The following TMEM38B variants were observed in gnomAD, a reference collection of about 807,000 sequenced individuals.
The protein encoded by TMEM38B is trimeric intracellular cation channel type B.
In TMEM38B, 24 loss-of-function variants were observed where a neutral mutation model predicts 28.7. The ratio of observed to expected loss-of-function variants is 0.84; its 90% CI spans 0.61 to 1.18. The LOEUF (loss-of-function observed/expected upper bound fraction) is 1.18. Among genes scored for constraint, TMEM38B ranks in the 50% most tolerant of loss-of-function variants. TMEM38B has a pLI of 0.00. For synonymous variants in TMEM38B, 131 were observed against 127.7 expected (o/e 1.03, Z -0.17); for missense variants, 380 against 350.9 (o/e 1.08, Z -0.66).
chr9:105,704,154 G>T (rs1045833959), intron 1 of TMEM38B, among the ~76,000 whole-genome samples: 2 of 152,162 alleles, frequency 1.3e-5, no homozygotes, highest in African/African-American at 2.4e-5. Flanking sequence ...AGTGGGTTCA[G>T]TGCGCCAGCA....
chr9:105,698,981 T>G (rs1372814321), intron 1 of TMEM38B, among the ~76,000 whole-genome samples: 2 of 152,196 alleles, frequency 1.3e-5, no homozygotes, highest in Admixed American at 6.5e-5. Flanking sequence ...TACATTATAT[T>G]GTAGAAAATT....
intron 1 of TMEM38B, among the ~76,000 whole-genome samples, chr9:105,697,427 A>C (rs1338142786): frequency 6.6e-6 from 1 of 152,216 alleles, no homozygotes; most frequent in African/African-American, 2.4e-5. Flanking sequence ...AGTGTGTTAG[A>C]CTGCCCATTT....
intron 2 of TMEM38B, among the ~76,000 whole-genome samples, chr9:105,709,995 G>A (rs1405135050): frequency 1.3e-5 from 2 of 152,106 alleles, no homozygotes; most frequent in Non-Finnish European, 2.9e-5. Context: ...ATCAATATAC[G>A]CTTATTCATA....
At chr9:105,745,357 A>G (rs1464521580) in intron 4 of TMEM38B, among the ~76,000 whole-genome samples, 2 of 152,126 alleles carry the variant, frequency 1.3e-5, no homozygotes, top group Non-Finnish European at 1.5e-5. Context: ...GCATTTTTTC[A>G]TCTGTCTGTT....
chr9:105,759,770 G>A, intron 5 of TMEM38B: 1 of 1,608,484 alleles, frequency 6.2e-7, no homozygotes, highest in South Asian at 1.1e-5. Flanking sequence ...GGTTTTAAGA[G>A]AACCACTACT....
intron 5 of TMEM38B, chr9:105,759,106 A>G (rs1837939814): frequency 1.3e-6 from 1 of 785,672 alleles, no homozygotes; most frequent in African/African-American, 1.7e-5. Flanking sequence ...CCAAGAAGTG[A>G]TGATACGAAT....
intron 4 of TMEM38B, among the ~76,000 whole-genome samples, chr9:105,739,020 C>T (rs1837088355): frequency 6.6e-6 from 1 of 151,984 alleles, no homozygotes; most frequent in Non-Finnish European, 1.5e-5. Flanking sequence ...CTGTGCCTGG[C>T]CTGAGTTAAT....
intron 1 of TMEM38B, among the ~76,000 whole-genome samples, chr9:105,695,664 T>G (rs1168057558): frequency 6.6e-6 from 1 of 152,230 alleles, no homozygotes; most frequent in Non-Finnish European, 1.5e-5. Context: ...CTACTTTCTT[T>G]GTGTTCTTGC....
At chr9:105,761,523 A>T (rs1838048778) in intron 5 of TMEM38B, among the ~76,000 whole-genome samples, 1 of 152,198 alleles carries the variant, frequency 6.6e-6, no homozygotes. Flanking sequence ...GTGATAAATA[A>T]AACATATAAT....
chr9:105,743,737 G>A (rs1344396813), intron 4 of TMEM38B, among the ~76,000 whole-genome samples: 1 of 152,180 alleles, frequency 6.6e-6, no homozygotes, highest in Non-Finnish European at 1.5e-5. Context: ...TGGCCATGAT[G>A]TGAGTATTTA....
At chr9:105,765,968 A>G (rs943258909) in intron 5 of TMEM38B, among the ~76,000 whole-genome samples, 1 of 151,874 alleles carries the variant, frequency 6.6e-6, no homozygotes. Context: ...CGCCTGGCTA[A>G]TTTTTCATAT....
At chr9:105,761,820 C>G (rs1194923767) in intron 5 of TMEM38B, among the ~76,000 whole-genome samples, 1 of 152,098 alleles carries the variant, frequency 6.6e-6, no homozygotes, top group Non-Finnish European at 1.5e-5. Context: ...CTAGGTGATT[C>G]CAGTATTCAG....
rs550516547 is a variant in TMEM38B at position 105,746,693 on chromosome 9, A to T, written c.543-1380A>T. 2.0e-5 allele frequency among the ~76,000 whole-genome samples: 3 copies of T among 152,290 alleles called. No homozygotes were observed. In the South Asian group the frequency reaches 6.2e-4, roughly 32 times the overall value. On this transcript the variant is annotated intron_variant, in intron 4 of 5. Coordinates refer to ENST00000374692, the MANE Select transcript of TMEM38B (RefSeq NM_018112.3). ...GAATGCTTCCAGTTTTTGCCCATTC[A>T]GTATGATATTGGCTGTGGGTTTGTC...
intron 2 of TMEM38B, among the ~76,000 whole-genome samples, chr9:105,716,030 C>T (rs1588407682): frequency 1.3e-5 from 2 of 152,262 alleles, no homozygotes; most frequent in East Asian, 3.9e-4. Context: ...TCACAGAGCT[C>T]CTGCTTTTGT....
rs557532113 is a variant in TMEM38B at position 105,763,456 on chromosome 9, C to G, written c.661-10409C>G. Among the ~76,000 whole-genome samples the G allele has an allele frequency of 5.9e-5, 9 of 152,274 alleles. No homozygotes were observed. In the East Asian group the frequency reaches 1.7e-3, roughly 29 times the overall value. ...CCATCAGAGAATACTACAAACACCT[C>G]TATGCAAATAAACTAGAAAATCTAG... On this transcript the variant is annotated intron_variant, in intron 5 of 5. Transcript: ENST00000374692.
intron 1 of TMEM38B, among the ~76,000 whole-genome samples, chr9:105,701,796 A>G (rs185727275): frequency 1.2e-4 from 18 of 152,372 alleles, no homozygotes; most frequent in Non-Finnish European, 2.4e-4. Flanking sequence ...TCCTTATGCC[A>G]TAAATCAGAG....
intron 5 of TMEM38B, among the ~76,000 whole-genome samples, chr9:105,765,806 T>C (rs887140072): frequency 1.3e-5 from 2 of 152,088 alleles, no homozygotes; most frequent in Non-Finnish European, 2.9e-5. Context: ...TTTTTTTTCT[T>C]TTTTATTTTT....
chr9:105,732,895 T>C (rs986497348), intron 4 of TMEM38B, among the ~76,000 whole-genome samples: 1 of 152,192 alleles, frequency 6.6e-6, no homozygotes, highest in Non-Finnish European at 1.5e-5. Context: ...TAAATTACCT[T>C]GGACAGTATG....
chr9:105,713,225 C>T (rs1045099953), intron 2 of TMEM38B, among the ~76,000 whole-genome samples: 2 of 152,140 alleles, frequency 1.3e-5, no homozygotes, highest in African/African-American at 2.4e-5. Flanking sequence ...CAATCCCTGA[C>T]CTGCCGCTCC....
Sources: gnomAD v4.1 joint callset for allele counts (sites outside exome capture counted in the v4.1 genomes callset) on GRCh38, gnomAD v4.1.1 for gene constraint, MANE v1.5 for transcripts, NCBI Gene and HGNC (gene_info 2026-07-23, HGNC 2026-07-21) for gene names.